Variants in EFHD1 observed in about 807,000 individuals in gnomAD.
EFHD1 encodes EF-hand domain-containing protein D1.
In EFHD1, 10 loss-of-function variants were observed where a neutral mutation model predicts 17.2. The observed-to-expected ratio is 0.58, with a 90% CI of 0.36 to 0.99. The LOEUF is 0.99. EFHD1 is among the 50% of genes least tolerant of loss of function. The probability of loss-of-function intolerance (pLI) is 0.01; values close to 1 mark genes in which losing one functional copy is unlikely to be tolerated. For synonymous variants in EFHD1, 153 were observed against 142.0 expected (o/e 1.08, Z -0.55); for missense variants, 310 against 327.5 (o/e 0.95, Z 0.41).
chr2:232,666,744 C>T (rs1275304819), intron 2 of EFHD1, among the ~76,000 whole-genome samples: 1 of 152,248 alleles, frequency 6.6e-6, no homozygotes, highest in Admixed American at 6.5e-5. Context: ...CCAGTCCCAT[C>T]TCTAGTAGCT....
At chr2:232,643,639 GC>G (rs919682889) in intron 1 of EFHD1, among the ~76,000 whole-genome samples, 5 of 151,538 alleles carry the variant, frequency 3.3e-5, no homozygotes, top group African/African-American at 1.2e-4. Context: ...GCCCACCTTG[GC>G]CTCCCAATGT....
chr2:232,638,628 C>T (rs1421166359), intron 1 of EFHD1: 17 of 325,080 alleles, frequency 5.2e-5, no homozygotes, highest in Non-Finnish European at 9.9e-5. Flanking sequence ...AAAGTGAGCC[C>T]TCTTAGGGAG....
chr2:232,655,275 C>T (rs1262174839), intron 1 of EFHD1, among the ~76,000 whole-genome samples: 1 of 152,094 alleles, frequency 6.6e-6, no homozygotes, highest in Non-Finnish European at 1.5e-5. Flanking sequence ...CTGCCTCAGC[C>T]TCTGGAGTAG....
chr2:232,672,756 G>C (rs1053448094), intron 3 of EFHD1, among the ~76,000 whole-genome samples: 1 of 152,200 alleles, frequency 6.6e-6, no homozygotes, highest in Admixed American at 6.5e-5. Flanking sequence ...CTGGCTCACT[G>C]TGAGCCCTTC....
chr2:232,613,623 C>CAT (rs1446039468), intron 1 of EFHD1, among the ~76,000 whole-genome samples: 1 of 103,970 alleles, frequency 9.6e-6, no homozygotes, highest in Admixed American at 9.9e-5. Context: ...CACACACACA[C>CAT]ACACACACAT....
intron 1 of EFHD1, among the ~76,000 whole-genome samples, chr2:232,648,957 A>G (rs775137036): frequency 9.2e-5 from 14 of 152,078 alleles, no homozygotes; most frequent in African/African-American, 3.1e-4. Flanking sequence ...GGGCACTGCT[A>G]CCCTCCTGAG....
rs182549328 is a variant in EFHD1, at chr2:232,664,258, C to T, written c.450+1309C>T. Among the ~76,000 whole-genome samples, 1,021 of 152,044 alleles carry T rather than the reference C, an allele frequency of 6.7e-3. 22 individuals carry two copies. The highest frequency in any genetic ancestry group is 5.1e-3 in the Non-Finnish European group (350 of 68,002). The stretch of plus-strand genomic sequence containing the variant: ...GTATCAACCCATCCTCCCACTTCAG[C>T]CTCTTGAGTAGCTGGGACTACAGAA... On this transcript the variant is annotated intron_variant, in intron 2 of 3. Coordinates refer to ENST00000264059, the MANE Select transcript of EFHD1 (RefSeq NM_025202.4).
chr2:232,648,189 C>T (rs1694569118), intron 1 of EFHD1, among the ~76,000 whole-genome samples: 1 of 152,130 alleles, frequency 6.6e-6, no homozygotes, highest in Non-Finnish European at 1.5e-5. Flanking sequence ...CTGCAGTGAG[C>T]TAGTATCACA....
At chr2:232,655,310 G>A (rs1341617459) in intron 1 of EFHD1, among the ~76,000 whole-genome samples, 1 of 152,156 alleles carries the variant, frequency 6.6e-6, no homozygotes, top group Non-Finnish European at 1.5e-5. Flanking sequence ...TCAAGCCACT[G>A]TACCTGCCCT....
intron 2 of EFHD1, among the ~76,000 whole-genome samples, chr2:232,667,515 CTTATT>C (rs959639942): frequency 2.0e-5 from 3 of 151,866 alleles, no homozygotes. Flanking sequence ...TTTGAGACAT[CTTATT>C]TTATTTTAAT....
chr2:232,630,727 A>C (rs1476045419), upstream of EFHD1, among the ~76,000 whole-genome samples: 1 of 150,998 alleles, frequency 6.6e-6, no homozygotes, highest in African/African-American at 2.4e-5. Flanking sequence ...AAATAGGATC[A>C]ATTGAGCCCA....
rs540302196 is a variant in EFHD1 at position 232,635,001 on chromosome 2, C to T, written c.302+995C>T. On this transcript the variant is annotated intron_variant, in intron 1 of 3. Coordinates refer to ENST00000264059, the MANE Select transcript of EFHD1 (RefSeq NM_025202.4). ...TTTAAAGGCGCTGTGACTGGCGCTGCGTCGCCTGAGCCTCCGCTGCCCCTG... is the reference window on the plus strand; with the variant it reads ...TTTAAAGGCGCTGTGACTGGCGCTGTGTCGCCTGAGCCTCCGCTGCCCCTG... 9.2e-5 allele frequency among the ~76,000 whole-genome samples: 14 copies of T among 151,880 alleles called. No individual in the cohort carries two copies. In the East Asian group the frequency reaches 2.7e-3, roughly 29 times the overall value.
intron 1 of EFHD1, among the ~76,000 whole-genome samples, chr2:232,655,507 T>C (rs550543517): frequency 6.6e-6 from 1 of 152,362 alleles, no homozygotes; most frequent in South Asian, 2.1e-4. Flanking sequence ...TTTGGACACA[T>C]ACGGAAGGCT....
upstream of EFHD1, chr2:232,633,508 C>A: frequency 7.9e-7 from 1 of 1,266,418 alleles, no homozygotes; most frequent in African/African-American, 1.6e-5. Flanking sequence ...GTCGCTGAGC[C>A]CTGGCGCCTC....
At chr2:232,672,231 C>T (rs1695084154) in intron 2 of EFHD1, 78 bp from the exon 3 acceptor site, 12 of 1,592,442 alleles carry the variant, frequency 7.5e-6, no homozygotes, top group Non-Finnish European at 1.0e-5. Flanking sequence ...GGCAGAGTGA[C>T]TTCAGCTTGG....
chr2:232,670,698 C>T (rs574599216), intron 2 of EFHD1, among the ~76,000 whole-genome samples: 35 of 149,454 alleles, frequency 2.3e-4, no homozygotes, highest in Admixed American at 4.7e-4. Flanking sequence ...GTAGACAAAA[C>T]ATAGGTGGTT....
chr2:232,613,781 TAC>T (rs1219848954), intron 1 of EFHD1, among the ~76,000 whole-genome samples: 17 of 135,892 alleles, frequency 1.3e-4, no homozygotes, highest in Admixed American at 2.9e-4. Flanking sequence ...CACACAAATA[TAC>T]ACACACATAT....
chr2:232,607,753 C>CA lies in EFHD1; in HGVS notation c.14+1589dup, dbSNP rs552152237. Among the ~76,000 whole-genome samples, 19 of 146,290 alleles carry CA rather than the reference C, an allele frequency of 1.3e-4. No homozygotes were observed. The South Asian group carries it at 3.7e-3, about 28-fold the overall frequency. On this transcript the variant is annotated intron_variant, in intron 1 of 3. Coordinates refer to the EFHD1 transcript ENST00000409613. ...TGGGCAACAGAGCAAGACCCTATCT[C>CA]AAAAAAAAAGGAAAGAAAATACAGG...
chr2:232,606,398 C>T (rs1189201910), intron 1 of EFHD1, among the ~76,000 whole-genome samples: 1 of 152,188 alleles, frequency 6.6e-6, no homozygotes, highest in African/African-American at 2.4e-5. Context: ...AAACTCGAAA[C>T]TCTTGAGAGA....
Sources: gnomAD v4.1 joint callset for allele counts (sites outside exome capture counted in the v4.1 genomes callset) on GRCh38, gnomAD v4.1.1 for gene constraint, MANE v1.5 for transcripts, NCBI Gene and HGNC (gene_info 2026-07-23, HGNC 2026-07-21) for gene names.